Variants in IMMP2L observed in about 807,000 individuals in gnomAD.
IMMP2L encodes inner mitochondrial membrane peptidase subunit 2.
IMMP2L carries 18 observed loss-of-function variants against 19.3 expected under a neutral mutation model. The ratio of observed to expected loss-of-function variants is 0.93; its 90% confidence interval spans 0.64 to 1.38. The LOEUF (loss-of-function observed/expected upper bound fraction) is 1.38. Ranked by LOEUF, IMMP2L falls within the 40% of genes most tolerant of loss-of-function variation. The probability of loss-of-function intolerance (pLI) is 0.00; values close to 1 mark genes in which losing one functional copy is unlikely to be tolerated. For missense variants in IMMP2L, 233 were observed against 218.2 expected, an observed-to-expected ratio of 1.07 and a Z score of -0.43; for synonymous variants, 76 against 73.0, an observed-to-expected ratio of 1.04 and a Z score of -0.21.
intron 5 of IMMP2L, among the ~76,000 whole-genome samples, chr7:110,672,129 G>A (rs367594861): frequency 6.6e-5 from 10 of 151,992 alleles, no homozygotes; most frequent in African/African-American, 2.2e-4. Context: ...AAAAGAAAGA[G>A]GTTTAATTGA....
At chr7:110,894,067 T>C (rs1300585342) in intron 4 of IMMP2L, among the ~76,000 whole-genome samples, 1 of 152,080 alleles carries the variant, frequency 6.6e-6, no homozygotes, top group East Asian at 1.9e-4. Flanking sequence ...TCTACCCACC[T>C]TGGTGCCAAC....
intron 3 of IMMP2L, among the ~76,000 whole-genome samples, chr7:111,396,076 A>G (rs957303881): frequency 6.6e-6 from 1 of 152,178 alleles, no homozygotes. Flanking sequence ...TAGTGTGGCA[A>G]TTCCTCAAGG....
chr7:111,552,107 G>A (rs1429011793), intron 1 of IMMP2L, among the ~76,000 whole-genome samples: 1 of 151,968 alleles, frequency 6.6e-6, no homozygotes, highest in Non-Finnish European at 1.5e-5. Context: ...ACTTGAAAAA[G>A]GCTATTTTGT....
At chr7:111,561,048 T>G (rs1054926015) in intron 1 of IMMP2L, among the ~76,000 whole-genome samples, 2 of 152,198 alleles carry the variant, frequency 1.3e-5, no homozygotes, top group Non-Finnish European at 2.9e-5. Context: ...ATGTGACATA[T>G]AGGATGCATA....
At chr7:110,833,420 C>T (rs1306879347) in intron 5 of IMMP2L, among the ~76,000 whole-genome samples, 3 of 105,306 alleles carry the variant, frequency 2.8e-5, no homozygotes, top group Non-Finnish European at 5.5e-5. Flanking sequence ...GCCTGGGTGA[C>T]AAGAGTGAAA....
chr7:111,191,269 G>A (rs188487501), intron 3 of IMMP2L, among the ~76,000 whole-genome samples: 1 of 151,910 alleles, frequency 6.6e-6, no homozygotes, highest in Admixed American at 6.6e-5. Flanking sequence ...GAAAACCCAG[G>A]CAAAAGTCTA....
At position 110,870,416 on chromosome 7, in the gene IMMP2L, T is replaced by C. The variant is rs1180550288; in HGVS notation, c.408+16177A>G. ...CCTATTATGAGCCAGCCAGGCACTG[T>C]GCTACAGCAGTGAACCAAAAGGACA... On this transcript the variant is annotated intron_variant, in intron 5 of 5. Transcript: ENST00000405709. The surrounding 1 kb of genome is among the most constrained non-coding windows in gnomAD (Gnocchi z 4.2). Among the ~76,000 whole-genome samples the C allele has an allele frequency of 2.0e-5, 3 of 152,150 alleles. No individual in the cohort carries two copies. Among genetic ancestry groups the C allele is most frequent in the African/African-American group, 7.2e-5 (3 of 41,448 alleles).
chr7:111,393,174 A>G (rs1280221853), intron 3 of IMMP2L, among the ~76,000 whole-genome samples: 1 of 152,112 alleles, frequency 6.6e-6, no homozygotes, highest in Non-Finnish European at 1.5e-5. Context: ...CACCAAGAAT[A>G]ACCTCACTAG....
At chr7:111,341,995 T>A (rs564649525) in intron 3 of IMMP2L, among the ~76,000 whole-genome samples, 1 of 152,100 alleles carries the variant, frequency 6.6e-6, no homozygotes, top group Admixed American at 6.6e-5. Flanking sequence ...TCTAGAACCA[T>A]GAGCCAATAA....
chr7:111,200,510 G>A (rs1216027325), intron 3 of IMMP2L, among the ~76,000 whole-genome samples: 1 of 151,904 alleles, frequency 6.6e-6, no homozygotes, highest in African/African-American at 2.4e-5. Context: ...CCCAACTAAA[G>A]AACCTGGTAT....
intron 3 of IMMP2L, among the ~76,000 whole-genome samples, chr7:111,253,669 A>G (rs767402238): frequency 6.6e-5 from 10 of 152,152 alleles, no homozygotes; most frequent in Admixed American, 1.3e-4. Flanking sequence ...AAGAACATGC[A>G]AACTAATTGA....
rs1191008489 is a variant in IMMP2L, at chr7:111,213,431, C to G, written c.240-249866G>C. 1.3e-5 allele frequency among the ~76,000 whole-genome samples: 2 copies of G among 152,128 alleles called. No homozygotes were observed. The highest frequency in any genetic ancestry group is 2.9e-5 in the Non-Finnish European group (2 of 68,022). On this transcript the variant is annotated intron_variant, in intron 3 of 5. Coordinates refer to ENST00000405709, the MANE Select transcript of IMMP2L (RefSeq NM_032549.4). This position sits in a 1 kb window ranked among gnomAD's most constrained non-coding sequence, Gnocchi z 4.8. ...CATGAACTGTGGCAGGAGGCAGACG[C>G]GCTCCTGAGTGGAAGGGGGTGGGTC...
At chr7:111,486,433 T>A (rs1369951921) in intron 3 of IMMP2L, among the ~76,000 whole-genome samples, 5 of 152,184 alleles carry the variant, frequency 3.3e-5, no homozygotes, top group Admixed American at 3.3e-4. Context: ...TAGCAGGTTT[T>A]TACTGTCTCC....
intron 3 of IMMP2L, among the ~76,000 whole-genome samples, chr7:111,315,849 T>C (rs568085254): frequency 1.3e-5 from 2 of 152,010 alleles, no homozygotes; most frequent in South Asian, 2.1e-4. Context: ...AAAGACTTCA[T>C]GTAAGAGATA....
intron 3 of IMMP2L, among the ~76,000 whole-genome samples, chr7:111,231,619 T>C (rs1187568647): frequency 6.6e-6 from 1 of 151,862 alleles, no homozygotes; most frequent in African/African-American, 2.4e-5. Context: ...ACAATGTAAA[T>C]CCCATGAGAT....
At chr7:111,007,495 C>T (rs538259482) in intron 3 of IMMP2L, among the ~76,000 whole-genome samples, 3 of 152,206 alleles carry the variant, frequency 2.0e-5, no homozygotes, top group African/African-American at 7.2e-5. Context: ...GCCTCATCAG[C>T]TGTACCTTCT....
At chr7:110,703,759 T>A (rs569638949) in intron 5 of IMMP2L, among the ~76,000 whole-genome samples, 6 of 152,158 alleles carry the variant, frequency 3.9e-5, no homozygotes, top group Non-Finnish European at 7.3e-5. Context: ...AATGACTAGG[T>A]TTCAAAATAA....
intron 4 of IMMP2L, among the ~76,000 whole-genome samples, chr7:110,936,366 A>C (rs1202832457): frequency 6.6e-6 from 1 of 152,204 alleles, no homozygotes; most frequent in East Asian, 1.9e-4. Flanking sequence ...AAAAACAAAC[A>C]ACCCCACCAA....
At chr7:110,950,664 T>C (rs749668170) in intron 4 of IMMP2L, among the ~76,000 whole-genome samples, 3 of 151,536 alleles carry the variant, frequency 2.0e-5, no homozygotes, top group Non-Finnish European at 4.4e-5. Flanking sequence ...AGCCAAGATA[T>C]AGAATCAACT....
Sources: allele counts gnomAD v4.1 joint callset (sites outside exome capture counted in the v4.1 genomes callset), GRCh38; gene constraint gnomAD v4.1.1; non-coding constraint Gnocchi (gnomAD v3.1); transcripts MANE v1.5; gene names NCBI Gene and HGNC (gene_info 2026-07-23, HGNC 2026-07-21).